The following DLST variants were observed in gnomAD, a reference collection of about 807,000 sequenced individuals.
DLST encodes dihydrolipoamide S-succinyltransferase.
In DLST, 17 loss-of-function variants were observed where a neutral mutation model predicts 53.1. The observed-to-expected ratio is 0.32, with a 90% CI of 0.22 to 0.48. The LOEUF is 0.48. Ranked by LOEUF, DLST falls within the 20% of genes least tolerant of loss-of-function variation. DLST has a pLI of 0.99. For synonymous variants in DLST, 206 were observed against 204.8 expected (o/e 1.01, Z -0.05); for missense variants, 512 against 583.9 (o/e 0.88, Z 1.27).
At chr14:74,890,124 C>CTTTTTTTTTTTTTTTTTTTTT in intron 6 of DLST, among the ~76,000 whole-genome samples, 172 bp downstream of exon 6, 1 of 85,104 alleles carries the variant, frequency 1.2e-5, no homozygotes, top group Non-Finnish European at 2.1e-5. Context: ...TTACATTTAA[C>CTTTTTTTTTTTTTTTTTTTTT]TTTTTTTTTT....
At chr14:74,882,745 G>A in intron 2 of DLST, 121 bp downstream of exon 2, 1 of 850,738 alleles carries the variant, frequency 1.2e-6, no homozygotes, top group Non-Finnish European at 2.0e-6. Flanking sequence ...AGAGAGTAGT[G>A]AGACGCAATG....
intron 8 of DLST, 146 bp downstream of exon 8, chr14:74,893,132 C>A: frequency 1.7e-6 from 2 of 1,155,410 alleles, no homozygotes; most frequent in Non-Finnish European, 1.2e-6. Context: ...ATCCAAAGGC[C>A]TGCTTTGCAT....
At chr14:74,891,016 A>T (rs776076915) in intron 6 of DLST, 40 bp from the exon 7 acceptor site, 3 of 1,591,554 alleles carry the variant, frequency 1.9e-6, no homozygotes, top group Non-Finnish European at 2.6e-6. Context: ...CTAATGCTGG[A>T]TAAACATTTG....
rs368696338 is a variant in DLST, at chr14:74,891,148, C to G, written c.423C>G (p.Phe141Leu). 2 of 1,614,174 alleles carry G rather than the reference C, an allele frequency of 1.2e-6. No homozygotes were observed. The highest frequency in any genetic ancestry group is 3.3e-5 in the Admixed American group (2 of 60,032). ...GGKVEGGTPL[F>L]TLRKTGAAPA... ...AAGTCGAAGGAGGCACTCCACTTTT[C>G]ACACTCAGGAAAACTGGTGGTAAAG... Residue 141 changes from phenylalanine to leucine, a missense_variant, in exon 7 of 15, where the codon TTC becomes TTG. This residue lies in a region of DLST where 162 missense variants were observed against 162.0 expected (regional missense o/e 1.00). Coordinates refer to ENST00000334220, the MANE Select transcript of DLST (RefSeq NM_001933.5).
chr14:74,899,844 C>T (rs1364669880), intron 11 of DLST, 79 bp from the exon 12 acceptor site: 2 of 1,137,624 alleles, frequency 1.8e-6, no homozygotes, highest in African/African-American at 3.1e-5. Context: ...CAGATTTTTA[C>T]TCTGTTAATG....
chr14:74,897,661 C>T (rs1884112849), intron 10 of DLST, among the ~76,000 whole-genome samples: 1 of 152,226 alleles, frequency 6.6e-6, no homozygotes, highest in Admixed American at 6.5e-5. Context: ...TCTTAATTAG[C>T]TTTGTATCTT....
intron 6 of DLST, among the ~76,000 whole-genome samples, 172 bp downstream of exon 6, chr14:74,890,124 CTTTTTTTTTTT>C (rs34237381): frequency 1.2e-5 from 1 of 85,104 alleles, no homozygotes; most frequent in African/African-American, 5.9e-5. Flanking sequence ...TTACATTTAA[CTTTTTTTTTTT>C]TTTTTTTTTT....
chr14:74,892,327 T>C (rs1373797284), intron 7 of DLST, among the ~76,000 whole-genome samples: 1 of 152,164 alleles, frequency 6.6e-6, no homozygotes, highest in African/African-American at 2.4e-5. Flanking sequence ...GTGATCCGCC[T>C]GCCTTGGCCT....
chr14:74,898,280 C>T, intron 10 of DLST, 89 bp from the exon 11 acceptor site: 1 of 1,509,260 alleles, frequency 6.6e-7, no homozygotes. Context: ...GGGAAAAGCT[C>T]TCACCTAATT....
Position 74,899,931 on chromosome 14 carries a change from G to A in DLST, c.910G>A (p.Asp304Asn), listed in dbSNP as rs373295097. 1.9e-6 allele frequency: 3 copies of A among 1,612,350 alleles called. No homozygotes were observed. Among genetic ancestry groups the A allele is most frequent in the South Asian group, 1.1e-5 (1 of 90,904 alleles). ...TATTTTCTCTCTCATAGTGATTGACGACACAACCAAAGAGGTGGTGTATAG... is the reference window on the plus strand; with the variant it reads ...TATTTTCTCTCTCATAGTGATTGACAACACAACCAAAGAGGTGGTGTATAG... Reference protein sequence around the residue: ...EQPVVNAVIDDTTKEVVYRDY... With the variant: ...EQPVVNAVIDNTTKEVVYRDY... The change falls in exon 12 of 15, where the codon GAC (aspartate) becomes AAC (asparagine). Residue 304 changes from aspartate (D) to asparagine (N), a missense_variant. By Grantham distance (23) the Asp-to-Asn change is conservative. Transcript: ENST00000334220.
chr14:74,892,866 C>T lies in DLST; in HGVS notation c.475C>T (p.Pro159Ser), dbSNP rs765439458. The T allele has an allele frequency of 5.6e-6, 9 of 1,613,746 alleles. No homozygotes were observed. Among genetic ancestry groups the T allele is most frequent in the African/African-American group, 2.7e-5 (2 of 75,016 alleles). ...TGCTAAGGCCAAGCCGGCTGAAGCT[C>T]CTGCTGCTGCAGCCCCAAAAGCAGA... ...APAKAKPAEA[P>S]AAAAPKAEPT... is the part of the protein sequence containing the mutation. The change falls in exon 8 of 15, where the codon CCT (proline) becomes TCT (serine). Residue 159 changes from proline to serine, a missense_variant. Coordinates refer to ENST00000334220, the MANE Select transcript of DLST (RefSeq NM_001933.5).
At chr14:74,899,224 T>G (rs1043100540) in intron 11 of DLST, among the ~76,000 whole-genome samples, 1 of 152,040 alleles carries the variant, frequency 6.6e-6, no homozygotes, top group Admixed American at 6.6e-5. Flanking sequence ...CCTCCCTGAC[T>G]GGCTCTCATC....
Position 74,885,618 on chromosome 14 carries a change from A to G in DLST, c.130A>G (p.Asn44Asp). 6.2e-7 allele frequency: 1 copy of G among 1,613,684 alleles called. No homozygotes were observed. ...CTTATGCCAGGGACCAGGTTACCCT[A>G]ACAGCAGGAAGGTTGTGTAAGTATC... ...VSLCQGPGYPNSRKVVINNSV... is the reference protein window; with the variant it reads ...VSLCQGPGYPDSRKVVINNSV... Residue 44 changes from asparagine (N) to aspartate (D), a missense_variant, in exon 3 of 15, where the codon AAC (asparagine) becomes GAC (aspartate). Physicochemically the swap from Asn to Asp is conservative, Grantham distance 23 (BLOSUM62 1). Transcript: ENST00000334220.
intron 10 of DLST, among the ~76,000 whole-genome samples, chr14:74,895,916 T>C (rs1462899000): frequency 1.3e-5 from 2 of 152,020 alleles, no homozygotes; most frequent in Admixed American, 1.3e-4. Flanking sequence ...TTATGTATGG[T>C]GGCATGGACC....
At chr14:74,900,971 C>T in intron 13 of DLST, 95 bp from the exon 14 acceptor site, 2 of 1,410,016 alleles carry the variant, frequency 1.4e-6, no homozygotes, top group South Asian at 1.3e-5. Flanking sequence ...AGCAGTCCTC[C>T]TGCCTCGGCC....
rs1343355943 is a variant in DLST, at chr14:74,890,985, AG to A, written c.331-70del. On this transcript the variant is annotated intron_variant, in intron 6 of 14. Transcript: ENST00000334220. ...GAGCCACTGTGCCTGGCTTCATTGG[AG>A]ATTCTATACAGCTAATTTTCTAATG... 1.2e-5 allele frequency: 18 copies of A among 1,546,616 alleles called. 1 individual carries two copies. Among genetic ancestry groups the A allele is most frequent in the Non-Finnish European group, 1.5e-5 (17 of 1,141,528 alleles).
chr14:74,882,643 G>C lies in DLST; in HGVS notation c.97+19G>C. 6.2e-7 allele frequency: 1 copy of C among 1,612,940 alleles called. No individual in the cohort carries two copies. Among genetic ancestry groups the C allele is most frequent in the Non-Finnish European group, 8.5e-7 (1 of 1,179,150 alleles). On this transcript the variant is annotated intron_variant, in intron 2 of 14. Transcript: ENST00000334220. ...CTGCCTGGTAAGTTCTGCCCTTACC[G>C]TCACCTAAAATGCTCTCCTCCTGGG...
At chr14:74,894,558 T>C in intron 10 of DLST, 149 bp downstream of exon 10, 1 of 921,790 alleles carries the variant, frequency 1.1e-6, no homozygotes, top group Non-Finnish European at 1.6e-6. Flanking sequence ...TTTTTGTTTT[T>C]GTTTTTTGAG....
intron 2 of DLST, among the ~76,000 whole-genome samples, chr14:74,882,918 A>G (rs1883578252): frequency 6.6e-6 from 1 of 152,264 alleles, no homozygotes; most frequent in South Asian, 2.1e-4. Context: ...GTTGCTAAAC[A>G]AGCCAACAAA....
Sources: gnomAD v4.1 joint callset for allele counts (sites outside exome capture counted in the v4.1 genomes callset) on GRCh38, gnomAD v4.1.1 for gene constraint, gnomAD v4.1.1 regional missense constraint, MANE v1.5 for transcripts, NCBI Gene and HGNC (gene_info 2026-07-23, HGNC 2026-07-21) for gene names.